PRKCH: variants seen among roughly 807,000 people sequenced by gnomAD.
PRKCH encodes the protein protein kinase C eta.
PRKCH carries 28 observed loss-of-function variants against 82.5 expected under a neutral mutation model. The observed-to-expected ratio is 0.34, with a 90% CI of 0.25 to 0.47. The LOEUF (loss-of-function observed/expected upper bound fraction) is 0.47, where lower values mean the gene tolerates loss of function less well. Among genes scored for constraint, PRKCH ranks in the 20% least tolerant of loss-of-function variants. PRKCH has a pLI of 1.00. For synonymous variants in PRKCH, 322 were observed against 327.4 expected, an observed-to-expected ratio of 0.98 and a Z score of 0.18; for missense variants, 705 against 881.8, an observed-to-expected ratio of 0.80 and a Z score of 2.54.
chr14:61,280,515 C>T lies in PRKCH; in HGVS notation c.-19+92847C>T, dbSNP rs1160202163. ...AGGCCAACGCCAGGCTGCCGTTGAC[C>T]AGCGGCGGGTTGCGGAACTTGACGT... is the stretch of plus-strand genomic sequence containing the variant. On this transcript the variant is annotated intron_variant, in intron 1 of 3. Transcript: ENST00000555185. This position sits in a 1 kb window ranked among gnomAD's most constrained non-coding sequence, Gnocchi z 5.0. The T allele has an allele frequency of 1.9e-6, 3 of 1,612,856 alleles. No individual in the cohort carries two copies. The highest frequency in any genetic ancestry group is 2.5e-6 in the Non-Finnish European group (3 of 1,179,568).
At chr14:61,192,856 A>C (rs1202498036) in intron 1 of PRKCH, among the ~76,000 whole-genome samples, 1 of 152,170 alleles carries the variant, frequency 6.6e-6, no homozygotes, top group Non-Finnish European at 1.5e-5. Flanking sequence ...CTTCCTTTTA[A>C]AATATTGGCT....
intron 10 of PRKCH, among the ~76,000 whole-genome samples, chr14:61,512,947 G>A (rs1566922497): frequency 6.6e-6 from 1 of 152,048 alleles, no homozygotes; most frequent in Non-Finnish European, 1.5e-5. Context: ...CTCCCAAGTA[G>A]CTGGGACTAC....
intron 1 of PRKCH, among the ~76,000 whole-genome samples, chr14:61,342,126 G>A (rs973893996): frequency 6.6e-6 from 1 of 152,032 alleles, no homozygotes; most frequent in Non-Finnish European, 1.5e-5. Context: ...CTCATGGGAA[G>A]GGCAGAGCCT....
At chr14:61,327,203 C>G in intron 1 of PRKCH, 1 of 442,740 alleles carries the variant, frequency 2.3e-6, no homozygotes, top group Non-Finnish European at 4.6e-6. Context: ...GTAATCAGTC[C>G]TGTCAGGTGA....
intron 10 of PRKCH, among the ~76,000 whole-genome samples, chr14:61,518,988 A>T (rs2042865587): frequency 6.6e-6 from 1 of 152,034 alleles, no homozygotes; most frequent in Non-Finnish European, 1.5e-5. Flanking sequence ...AAGTTTTTTA[A>T]AAAATTTTGT....
intron 1 of PRKCH, among the ~76,000 whole-genome samples, chr14:61,323,418 G>C (rs1303864892): frequency 1.3e-5 from 2 of 152,202 alleles, no homozygotes; most frequent in African/African-American, 4.8e-5. Flanking sequence ...TTATAATAAA[G>C]TAGTCTGGTT....
intron 1 of PRKCH, among the ~76,000 whole-genome samples, chr14:61,212,194 T>C (rs11627793): frequency 1.3e-5 from 2 of 152,126 alleles, no homozygotes; most frequent in Non-Finnish European, 2.9e-5. Flanking sequence ...AGAATTATGG[T>C]CTCTTTTCCT....
chr14:61,269,438 G>A (rs2045132759), intron 1 of PRKCH, among the ~76,000 whole-genome samples: 1 of 152,130 alleles, frequency 6.6e-6, no homozygotes, highest in Admixed American at 6.5e-5. Context: ...TATGGGGTTT[G>A]TTGTACAGAT....
chr14:61,431,586 A>AT (rs59562986), intron 2 of PRKCH, among the ~76,000 whole-genome samples: 87,967 of 151,344 alleles, frequency 0.58, 27,309 homozygotes, highest in Non-Finnish European at 0.7. Context: ...TGCCATTTGG[A>AT]TTTTTTTTTC....
chr14:61,231,259 T>A (rs963162806), intron 1 of PRKCH, among the ~76,000 whole-genome samples: 4 of 152,028 alleles, frequency 2.6e-5, no homozygotes, highest in Non-Finnish European at 5.9e-5. Flanking sequence ...AACAATTCAA[T>A]ACACACAGGG....
chr14:61,212,177 A>T (rs1320485499), intron 1 of PRKCH, among the ~76,000 whole-genome samples: 1 of 152,190 alleles, frequency 6.6e-6, no homozygotes, highest in African/African-American at 2.4e-5. Flanking sequence ...GGAAAAACAC[A>T]ATATAAAGAA....
intron 2 of PRKCH, among the ~76,000 whole-genome samples, chr14:61,403,634 G>C (rs1345270104): frequency 6.6e-6 from 1 of 152,190 alleles, no homozygotes; most frequent in Non-Finnish European, 1.5e-5. Context: ...GATTTGAGCA[G>C]AACAAGGCAG....
intron 1 of PRKCH, among the ~76,000 whole-genome samples, chr14:61,374,966 A>G (rs2046411486): frequency 1.3e-5 from 2 of 152,082 alleles, no homozygotes; most frequent in Non-Finnish European, 2.9e-5. Context: ...CCAAACTTGT[A>G]TGCTGTGCTT....
chr14:61,347,285 G>A (rs2046007863), intron 1 of PRKCH, among the ~76,000 whole-genome samples: 1 of 152,110 alleles, frequency 6.6e-6, no homozygotes, highest in Non-Finnish European at 1.5e-5. Flanking sequence ...GGAGTTGTGG[G>A]GTTGAGGTAT....
At chr14:61,522,538 T>C (rs187834714) in intron 10 of PRKCH, among the ~76,000 whole-genome samples, 56 of 152,284 alleles carry the variant, frequency 3.7e-4, no homozygotes, top group Admixed American at 5.9e-4. Flanking sequence ...AAATTCTCCT[T>C]ACCCTCACTT....
At chr14:61,210,055 C>T (rs900755993) in intron 1 of PRKCH, among the ~76,000 whole-genome samples, 33 of 143,260 alleles carry the variant, frequency 2.3e-4, no homozygotes, top group Admixed American at 1.6e-3. Context: ...TGGCCAACAC[C>T]GTGAAACCCT....
At chr14:61,213,645 G>A (rs2044598278) in intron 1 of PRKCH, among the ~76,000 whole-genome samples, 1 of 152,122 alleles carries the variant, frequency 6.6e-6, no homozygotes, top group Admixed American at 6.6e-5. Flanking sequence ...GAAAACTAGT[G>A]GGCAAAAATA....
intron 10 of PRKCH, among the ~76,000 whole-genome samples, chr14:61,512,825 T>A (rs1034830250): frequency 6.6e-6 from 1 of 152,098 alleles, no homozygotes; most frequent in African/African-American, 2.4e-5. Context: ...TTAAATAAGT[T>A]TGTTTGTTCA....
At chr14:61,306,257 C>G (rs947896229) in intron 1 of PRKCH, 1 of 152,208 alleles carries the variant, frequency 6.6e-6, no homozygotes, top group Non-Finnish European at 1.5e-5. Context: ...TTCTCTTGTT[C>G]ATAGCAACCA....
Sources: gnomAD v4.1 joint callset for allele counts (sites outside exome capture counted in the v4.1 genomes callset) on GRCh38, gnomAD v4.1.1 for gene constraint, Gnocchi (gnomAD v3.1) non-coding constraint, MANE v1.5 for transcripts, NCBI Gene and HGNC (gene_info 2026-07-23, HGNC 2026-07-21) for gene names.